The following KRT77 variants were observed in gnomAD, a reference collection of about 807,000 sequenced individuals.
KRT77 encodes keratin, type II cytoskeletal 1b.
KRT77 carries 44 observed loss-of-function variants against 51.5 expected under a neutral mutation model. The ratio of observed to expected loss-of-function variants is 0.85; its 90% CI spans 0.67 to 1.10. The LOEUF (loss-of-function observed/expected upper bound fraction) is 1.10, where lower values mean the gene tolerates loss of function less well. Among genes scored for constraint, KRT77 ranks in the 50% least tolerant of loss-of-function variants. The probability of loss-of-function intolerance (pLI) is 0.00; values close to 1 mark genes in which losing one functional copy is unlikely to be tolerated. For synonymous variants in KRT77, 293 were observed against 302.0 expected, an observed-to-expected ratio of 0.97 and a Z score of 0.31; for missense variants, 763 against 743.9, an observed-to-expected ratio of 1.03 and a Z score of -0.30.
At chr12:52,694,881 G>T in intron 4 of KRT77, 91 bp from the exon 5 acceptor site, 1 of 1,220,842 alleles carries the variant, frequency 8.2e-7, no homozygotes, top group Non-Finnish European at 1.1e-6. Context: ...CTCGGGGGAA[G>T]CCAGAAGCCT....
Position 52,694,691 on chromosome 12 carries a change from G to A in KRT77, c.1015C>T (p.Arg339Trp), listed in dbSNP as rs146379141. Residue 339 changes from arginine (R) to tryptophan (W), a missense_variant, in exon 5 of 9, where the codon CGG becomes TGG. Physicochemically the swap from Arg to Trp is moderately radical, Grantham distance 101. Transcript: ENST00000341809. ...LDLDSIIDAV[R>W]TQYELIAQRS... ...TGTGCAATCAGTTCATACTGGGTCC[G>A]CACTGCATCGATGATGCTGTCCAGG... 160 of 1,613,866 alleles carry A rather than the reference G, an allele frequency of 9.9e-5. 1 individual carries two copies. In the African/African-American group the frequency reaches 1.7e-3, roughly 17 times the overall value.
At chr12:52,701,219 C>T (rs540777114) in intron 1 of KRT77, among the ~76,000 whole-genome samples, 1 of 152,344 alleles carries the variant, frequency 6.6e-6, no homozygotes, top group South Asian at 2.1e-4. Context: ...CCGTGACCTC[C>T]GAGTAGTGAC....
At chr12:52,701,651 G>A (rs1464755137) in intron 1 of KRT77, among the ~76,000 whole-genome samples, 1 of 152,230 alleles carries the variant, frequency 6.6e-6, no homozygotes, top group African/African-American at 2.4e-5. Context: ...TCGACCTCCA[G>A]ACAAAAGGAG....
chr12:52,701,239 C>T (rs1288890218), intron 1 of KRT77, among the ~76,000 whole-genome samples: 1 of 152,240 alleles, frequency 6.6e-6, no homozygotes, highest in Non-Finnish European at 1.5e-5. Flanking sequence ...CTCCTTGCTC[C>T]AGTGAAACCC....
intron 1 of KRT77, chr12:52,698,267 G>A: frequency 1.7e-6 from 1 of 600,696 alleles, no homozygotes; most frequent in Non-Finnish European, 2.8e-6. Flanking sequence ...TTCTCTTTGT[G>A]GTCAAAATGC....
intron 1 of KRT77, among the ~76,000 whole-genome samples, chr12:52,701,554 G>A (rs1437832055): frequency 6.6e-6 from 1 of 152,226 alleles, no homozygotes; most frequent in Non-Finnish European, 1.5e-5. Context: ...CACTGAGTGT[G>A]CAAGCGGCCT....
intron 1 of KRT77, among the ~76,000 whole-genome samples, chr12:52,699,165 C>A (rs1046203972): frequency 5.3e-5 from 8 of 152,212 alleles, no homozygotes; most frequent in African/African-American, 1.9e-4. Flanking sequence ...TCCTGCCACT[C>A]TCTATTTTTA....
chr12:52,697,687 C>T lies in KRT77; in HGVS notation c.753G>A (p.Lys251=). The T allele has an allele frequency of 6.2e-7, 1 of 1,610,900 alleles. No individual in the cohort carries two copies. Among genetic ancestry groups the T allele is most frequent in the Non-Finnish European group, 8.5e-7 (1 of 1,178,220 alleles). The part of the protein sequence containing the change: ...RSMQDVVEDY[K]SKYEDEINKR... ...TGCCCTGCCTGGAGTCTCACTTGCT[C>T]TTGTAGTCCTCCACGACATCCTGCA... The change falls in exon 2 of 9, where the codon AAG becomes AAA. Residue 251 remains lysine, a synonymous_variant. Transcript: ENST00000341809.
chr12:52,693,972 G>A (rs746346974), intron 5 of KRT77, among the ~76,000 whole-genome samples: 15 of 151,208 alleles, frequency 9.9e-5, no homozygotes, highest in Non-Finnish European at 1.5e-4. Context: ...AGGAGGCGGA[G>A]TTTGTAGTGA....
chr12:52,698,241 T>C (rs959412674), intron 1 of KRT77: 2 of 883,630 alleles, frequency 2.3e-6, no homozygotes, highest in South Asian at 1.4e-5. Context: ...GAGACACTGA[T>C]GACCCCAAGG....
intron 3 of KRT77, 147 bp downstream of exon 3, chr12:52,696,223 A>G (rs1035429553): frequency 5.6e-6 from 4 of 711,928 alleles, no homozygotes; most frequent in African/African-American, 1.8e-5. Context: ...GTCAGTTCCA[A>G]TGTAAGGGCC....
At chr12:52,694,507 A>T in intron 5 of KRT77, 119 bp downstream of exon 5, 1 of 953,790 alleles carries the variant, frequency 1.0e-6, no homozygotes, top group Non-Finnish European at 1.5e-6. Flanking sequence ...TGTAATTTCT[A>T]GAATTTGTAT....
At position 52,691,975 on chromosome 12, in the gene KRT77, G is replaced by A. The variant is rs747427884; in HGVS notation, c.1428-3C>T. The A allele has an allele frequency of 6.2e-7, 1 of 1,614,008 alleles. No individual in the cohort carries two copies. The highest frequency in any genetic ancestry group is 1.1e-5 in the South Asian group (1 of 91,082). On this transcript the variant is annotated splice_polypyrimidine_tract_variant and splice_region_variant and intron_variant, in intron 7 of 8. Coordinates refer to ENST00000341809, the MANE Select transcript of KRT77 (RefSeq NM_175078.3). Reference sequence around the variant, plus strand: ...GGCTCTGCAGCTCTCCTGACATCCTGTAAAACCAAAGCACACGGTCAGCCA... The same window carrying A: ...GGCTCTGCAGCTCTCCTGACATCCTATAAAACCAAAGCACACGGTCAGCCA...
chr12:52,700,861 G>A (rs61927662), intron 1 of KRT77, among the ~76,000 whole-genome samples: 5,120 of 152,288 alleles, frequency 0.034, 123 homozygotes, highest in Non-Finnish European at 0.047. Context: ...GGATGGCTCT[G>A]CTGTGGTGTC....
Position 52,692,766 on chromosome 12 carries a change from C to A in KRT77, c.1195G>T (p.Val399Leu). ...VQRLQAEISN[V>L]KKQIEQMQSL... ...AGCACCCGTCCCACCTGCTTCTTCA[C>A]GTTGCTGATCTCTGCCTGCAGCCTC... is the stretch of plus-strand genomic sequence containing the variant. The change falls in exon 6 of 9, where the codon GTG becomes TTG. Residue 399 changes from valine (V) to leucine (L), a missense_variant. Physicochemically the swap from Val to Leu is conservative, Grantham distance 32. Coordinates refer to ENST00000341809, the MANE Select transcript of KRT77 (RefSeq NM_175078.3). 1 of 1,604,458 alleles carries A rather than the reference C, an allele frequency of 6.2e-7. No homozygotes were observed. The highest frequency in any genetic ancestry group is 8.5e-7 in the Non-Finnish European group (1 of 1,171,756).
Position 52,695,664 on chromosome 12 carries a change from A to C in KRT77, c.915+108T>G, listed in dbSNP as rs903287211. ...CAGAGTTGGGGTACCTGGGGAGATG[A>C]GTCCCTAGTGGGACCCTAGTGTTGG... is the stretch of plus-strand genomic sequence containing the variant. On this transcript the variant is annotated intron_variant, in intron 4 of 8. Transcript: ENST00000341809. The C allele has an allele frequency of 4.9e-5, 29 of 594,482 alleles. 1 individual carries two copies. In the Admixed American group the frequency reaches 7.0e-4, roughly 14 times the overall value. 36.8% of individuals were successfully genotyped at this position (594,482 alleles called of 1,614,324 possible).
chr12:52,696,014 C>T, intron 3 of KRT77, 147 bp from the exon 4 acceptor site: 1 of 640,004 alleles, frequency 1.6e-6, no homozygotes. Flanking sequence ...AAGGGACCCA[C>T]AAGTCCTGGC....
Position 52,703,326 on chromosome 12 carries a change from CAG to C in KRT77, c.107_108del (p.Ser36CysfsTer23), listed in dbSNP as rs1199845588. On this transcript the variant is annotated frameshift_variant, in exon 1 of 9. Coordinates refer to ENST00000341809, the MANE Select transcript of KRT77 (RefSeq NM_175078.3). LOFTEE classifies it high-confidence loss of function. ...GSGGGSPAVG[S>X]VCYARGRCGG... The stretch of plus-strand genomic sequence containing the variant: ...CCACACCTCCCTCGAGCATAACACA[CAG>C]AACCCACTGCCGGACTCCCACCACC... The C allele has an allele frequency of 2.5e-6, 4 of 1,614,048 alleles. No individual in the cohort carries two copies. The highest frequency in any genetic ancestry group is 3.4e-6 in the Non-Finnish European group (4 of 1,180,056).
rs1332596583 is a variant in KRT77, at chr12:52,694,637, A to T, written c.1069T>A (p.Tyr357Asn). Residue 357 changes from tyrosine (Y) to asparagine (N), a missense_variant, in exon 5 of 9, where the codon TAC (tyrosine) becomes AAC (asparagine). Coordinates refer to ENST00000341809, the MANE Select transcript of KRT77 (RefSeq NM_175078.3). ...GGGGCCACGCCCACCTTGGTCTGGTACAGGGCTTCGGCCTCGTCCTTGCTC... is the reference window on the plus strand; with the variant it reads ...GGGGCCACGCCCACCTTGGTCTGGTTCAGGGCTTCGGCCTCGTCCTTGCTC... ...QRSKDEAEAL[Y>N]QTKYQELQIT... 1.2e-6 allele frequency: 2 copies of T among 1,606,746 alleles called. No homozygotes were observed. Among genetic ancestry groups the T allele is most frequent in the Non-Finnish European group, 1.7e-6 (2 of 1,175,540 alleles).
Sources: gnomAD v4.1 joint callset for allele counts (sites outside exome capture counted in the v4.1 genomes callset) on GRCh38, gnomAD v4.1.1 for gene constraint, MANE v1.5 for transcripts, NCBI Gene and HGNC (gene_info 2026-07-23, HGNC 2026-07-21) for gene names.